VPS16: variants seen among roughly 807,000 people sequenced by gnomAD.
The protein encoded by VPS16 is VPS16 core subunit of CORVET and HOPS complexes.
VPS16 carries 82 observed loss-of-function variants against 116.0 expected under a neutral mutation model. That is an observed-to-expected ratio of 0.71 (90% confidence interval 0.59 to 0.85). VPS16 has a LOEUF of 0.85. Among genes scored for constraint, VPS16 ranks in the 40% least tolerant of loss-of-function variants. VPS16 has a pLI of 0.00. For missense variants in VPS16, 928 were observed against 1,090.6 expected (o/e 0.85, Z 2.10); for synonymous variants, 406 against 420.7 (o/e 0.96, Z 0.43).
chr20:2,858,260 T>C (rs190975983), intron 1 of VPS16, among the ~76,000 whole-genome samples: 1 of 152,118 alleles, frequency 6.6e-6, no homozygotes, highest in African/African-American at 2.4e-5. Flanking sequence ...GCATGTGCCA[T>C]CACATGCAGC....
rs201238381 is a variant in VPS16, at chr20:2,861,644, C to A, written c.839C>A (p.Ala280Asp). Residue 280 changes from alanine to aspartate, a missense_variant, in exon 9 of 24, where the codon GCC becomes GAC. By Grantham distance (126) the Ala-to-Asp change is moderately radical (BLOSUM62 -2). Transcript: ENST00000380445. ...WCSRPRSKER[A>D]VVVAWERRLM... ...AGCCGTCCTCGTAGCAAGGAGAGGG[C>A]CGTGGTGGTGGCCTGGGAAAGGCGG... The A allele has an allele frequency of 6.2e-7, 1 of 1,612,738 alleles. No individual in the cohort carries two copies.
chr20:2,856,057 C>T (rs2089168811), intron 1 of VPS16, among the ~76,000 whole-genome samples: 2 of 152,188 alleles, frequency 1.3e-5, no homozygotes, highest in Admixed American at 6.5e-5. Flanking sequence ...TTCAACGTGC[C>T]TTCCTCACTA....
At position 2,864,306 on chromosome 20, in the gene VPS16, G is replaced by A; in HGVS notation, c.1720+19G>A. 6.2e-7 allele frequency: 1 copy of A among 1,614,042 alleles called. No homozygotes were observed. The highest frequency in any genetic ancestry group is 8.5e-7 in the Non-Finnish European group (1 of 1,179,964). On this transcript the variant is annotated intron_variant, in intron 17 of 23. Transcript: ENST00000380445. This position sits in a 1 kb window ranked among gnomAD's most constrained non-coding sequence, Gnocchi z 5.2. ...GACCTGGGTGAGGGCAAGGCTGGGG[G>A]GCCCCTGGGCTAAGTGGGAGCCTGG...
intron 1 of VPS16, among the ~76,000 whole-genome samples, chr20:2,857,778 C>T (rs1272589006): frequency 6.8e-6 from 1 of 147,198 alleles, no homozygotes; most frequent in African/African-American, 2.5e-5. Context: ...TGGCATGATC[C>T]TGGCTCACTG....
chr20:2,841,138 C>G, intron 1 of VPS16: 2 of 443,300 alleles, frequency 4.5e-6, no homozygotes, highest in South Asian at 2.6e-5. Flanking sequence ...AGTCTCCTGC[C>G]GGAAAGTGCT....
chr20:2,856,973 T>G (rs1402368219), intron 1 of VPS16, among the ~76,000 whole-genome samples: 1 of 123,814 alleles, frequency 8.1e-6, no homozygotes, highest in Non-Finnish European at 1.6e-5. Context: ...TTTTTCTTTT[T>G]CTTTTTCTTT....
Position 2,863,331 on chromosome 20 carries a change from G to T in VPS16, c.1409G>T (p.Cys470Phe), listed in dbSNP as rs749973510. ...CTTTACCCCCTGGCCATCCAGATATGCGAGTACTTGCGCCTTCCTGAAGTA... is the reference window on the plus strand; with the variant it reads ...CTTTACCCCCTGGCCATCCAGATATTCGAGTACTTGCGCCTTCCTGAAGTA... ...RRLYPLAIQICEYLRLPEVQG... is the reference protein window; with the variant it reads ...RRLYPLAIQIFEYLRLPEVQG... Residue 470 changes from cysteine (C) to phenylalanine (F), a missense_variant, in exon 15 of 24, where the codon TGC (cysteine) becomes TTC (phenylalanine). By Grantham distance (205) the Cys-to-Phe change is radical. Coordinates refer to ENST00000380445, the MANE Select transcript of VPS16 (RefSeq NM_022575.4). The surrounding 1 kb of genome is among the most constrained non-coding windows in gnomAD (Gnocchi z 4.4). 2 of 1,614,080 alleles carry T rather than the reference G, an allele frequency of 1.2e-6. No individual in the cohort carries two copies. Among genetic ancestry groups the T allele is most frequent in the Admixed American group, 3.3e-5 (2 of 59,994 alleles).
chr20:2,854,750 T>A (rs541543007), intron 1 of VPS16, among the ~76,000 whole-genome samples: 1 of 146,672 alleles, frequency 6.8e-6, no homozygotes, highest in African/African-American at 2.5e-5. Flanking sequence ...GAGCTGAGAT[T>A]GCACCATTGC....
intron 1 of VPS16, among the ~76,000 whole-genome samples, chr20:2,842,829 T>TATAGATGTATCTATCGATAGATAG (rs2089009837): frequency 5.9e-4 from 2 of 3,396 alleles, no homozygotes; most frequent in African/African-American, 5.7e-3. Context: ...TAGATAGACA[T>TATAGATGTATCTATCGATAGATAG]ATAGATGTAT....
rs975009810 is a variant in VPS16 at position 2,865,270 on chromosome 20, C to A, written c.2127C>A (p.Asn709Lys). 1 of 1,614,210 alleles carries A rather than the reference C, an allele frequency of 6.2e-7. No homozygotes were observed. The highest frequency in any genetic ancestry group is 8.5e-7 in the Non-Finnish European group (1 of 1,180,044). The change falls in exon 21 of 24, where the codon AAC becomes AAA. Residue 709 changes from asparagine (N) to lysine (K), a missense_variant. Physicochemically the swap from Asn to Lys is moderately conservative, Grantham distance 94. Coordinates refer to ENST00000380445, the MANE Select transcript of VPS16 (RefSeq NM_022575.4). The surrounding 1 kb of genome is among the most constrained non-coding windows in gnomAD (Gnocchi z 5.2). ...CCACCCTCATTCTTGGCGGTCACAA[C>A]AAGCGTGCAGAGCAGCTGGCACGTG... ...TVTTLILGGH[N>K]KRAEQLARDF...
rs1233169818 is a variant in VPS16, at chr20:2,840,798, G to A, written c.24G>A (p.Trp8Ter). The A allele has an allele frequency of 6.5e-7, 1 of 1,548,366 alleles. No homozygotes were observed. The highest frequency in any genetic ancestry group is 8.7e-7 in the Non-Finnish European group (1 of 1,146,614). Residue 8 changes from tryptophan to a stop codon, truncating the protein, a stop_gained, in exon 1 of 24, where the codon TGG (tryptophan) becomes TGA (stop). Transcript: ENST00000380445. LOFTEE classifies it high-confidence loss of function. Reference protein sequence around the residue: MDCYTANWNPLGDSAFYR... With the variant: MDCYTAN ...CCATGGACTGCTACACGGCGAACTG[G>A]AACCCACTCGGGGACTCTGCCTTTT...
At position 2,864,863 on chromosome 20, in the gene VPS16, C is replaced by A; in HGVS notation, c.1927-115C>A. On this transcript the variant is annotated intron_variant, in intron 19 of 23. Transcript: ENST00000380445. The surrounding 1 kb of genome is among the most constrained non-coding windows in gnomAD (Gnocchi z 5.2). ...ACATCAGAGTGGTGCACCTAGCAGGCAAGGCTGACCCTGGCGACCCTGGGC... is the reference window on the plus strand; with the variant it reads ...ACATCAGAGTGGTGCACCTAGCAGGAAAGGCTGACCCTGGCGACCCTGGGC... 1 of 1,418,152 alleles carries A rather than the reference C, an allele frequency of 7.1e-7. No homozygotes were observed. Among genetic ancestry groups the A allele is most frequent in the Non-Finnish European group, 9.8e-7 (1 of 1,016,762 alleles). 87.8% of individuals were successfully genotyped at this position (1,418,152 alleles called of 1,614,324 possible).
intron 1 of VPS16, among the ~76,000 whole-genome samples, chr20:2,844,405 G>A (rs6132976): frequency 0.039 from 5,948 of 152,190 alleles, 231 homozygotes; most frequent in Admixed American, 0.1. Context: ...GAGGAGAAAC[G>A]GTGACCAGTT....
At chr20:2,846,261 C>T (rs2089059086) in intron 1 of VPS16, among the ~76,000 whole-genome samples, 1 of 151,942 alleles carries the variant, frequency 6.6e-6, no homozygotes, top group Admixed American at 6.6e-5. Context: ...GGATTACAGG[C>T]ACCCACCACT....
chr20:2,862,400 T>C, intron 11 of VPS16, 179 bp from the exon 12 acceptor site: 1 of 1,306,824 alleles, frequency 7.7e-7, no homozygotes, highest in Non-Finnish European at 1.0e-6. Context: ...AGCTGTGGGC[T>C]GATACGAGAT....
rs1231904367 is a variant in VPS16, at chr20:2,849,636, G to A, written c.53+8809G>A. On this transcript the variant is annotated intron_variant, in intron 1 of 23. Coordinates refer to ENST00000380445, the MANE Select transcript of VPS16 (RefSeq NM_022575.4). ...TTTTTGGGGGGGGTGGGTGCTGTTAGAGAAGACTTCTGCTTCTCAGAACAT... is the reference window on the plus strand; with the variant it reads ...TTTTTGGGGGGGGTGGGTGCTGTTAAAGAAGACTTCTGCTTCTCAGAACAT... Among the ~76,000 whole-genome samples, 4 of 151,984 alleles carry A rather than the reference G, an allele frequency of 2.6e-5. No homozygotes were observed. In the East Asian group the frequency reaches 7.7e-4, roughly 29 times the overall value.
At chr20:2,850,215 T>C (rs2089104156) in intron 1 of VPS16, among the ~76,000 whole-genome samples, 1 of 152,130 alleles carries the variant, frequency 6.6e-6, no homozygotes, top group Admixed American at 6.5e-5. Context: ...CCCCAGCTAC[T>C]TGGGAGGATG....
At chr20:2,849,153 C>G (rs2089091025) in intron 1 of VPS16, among the ~76,000 whole-genome samples, 1 of 152,178 alleles carries the variant, frequency 6.6e-6, no homozygotes, top group South Asian at 2.1e-4. Flanking sequence ...TTCCAAGTTT[C>G]AGGATCTCAT....
In VPS16 at chr20:2,863,248, T is replaced by C. The variant is rs374424669; in HGVS notation, c.1368-42T>C. The stretch of plus-strand genomic sequence containing the variant: ...TGAGGCCACTCTGCTCCCTTTCTCC[T>C]CCACCTCACTCCTTGTATCCTTTAC... On this transcript the variant is annotated intron_variant, in intron 14 of 23. Coordinates refer to ENST00000380445, the MANE Select transcript of VPS16 (RefSeq NM_022575.4). The surrounding 1 kb of genome is among the most constrained non-coding windows in gnomAD (Gnocchi z 4.4). The C allele has an allele frequency of 1.2e-6, 2 of 1,613,024 alleles. No homozygotes were observed. The highest frequency in any genetic ancestry group is 2.2e-5 in the East Asian group (1 of 44,872).
Sources: gnomAD v4.1 joint callset for allele counts (sites outside exome capture counted in the v4.1 genomes callset) on GRCh38, gnomAD v4.1.1 for gene constraint, Gnocchi (gnomAD v3.1) non-coding constraint, MANE v1.5 for transcripts, NCBI Gene and HGNC (gene_info 2026-07-23, HGNC 2026-07-21) for gene names.